The following JMY variants were observed in gnomAD, a reference collection of about 807,000 sequenced individuals.
The protein encoded by JMY is junction-mediating and -regulatory protein.
In JMY, 46 loss-of-function variants were observed where a neutral mutation model predicts 103.3. The ratio of observed to expected loss-of-function variants is 0.45; its 90% CI spans 0.35 to 0.57. The LOEUF is 0.57. JMY is among the 20% of genes least tolerant of loss of function. JMY has a pLI of 0.00. For missense variants in JMY, 1,238 were observed against 1,255.2 expected (o/e 0.99, Z 0.21); for synonymous variants, 526 against 489.3 (o/e 1.07, Z -0.99).
chr5:79,289,784 GC>G (rs2112097356), intron 2 of JMY, among the ~76,000 whole-genome samples: 1 of 151,416 alleles, frequency 6.6e-6, no homozygotes, highest in Admixed American at 6.6e-5. Context: ...TTGGGGGGGG[GC>G]ATAAATAAGT....
chr5:79,305,648 C>A (rs1032633081), intron 6 of JMY, among the ~76,000 whole-genome samples: 1 of 151,910 alleles, frequency 6.6e-6, no homozygotes, highest in Non-Finnish European at 1.5e-5. Context: ...TTGCAAAAAT[C>A]CTGTTTTATA....
rs1411001737 is a variant in JMY at position 79,325,963 on chromosome 5, G to A, written c.*4361G>A. The A allele has an allele frequency of 1.3e-5, 2 of 152,072 alleles. No individual in the cohort carries two copies. Among genetic ancestry groups the A allele is most frequent in the African/African-American group, 4.8e-5 (2 of 41,412 alleles). 9.4% of individuals were successfully genotyped at this position (152,072 alleles called of 1,614,324 possible). Reference sequence around the variant, plus strand: ...ATGTGTTTATTGTAAAGTTTTCTACGTTTTGCCCACAGTAAATGTACAACT... The same window carrying A: ...ATGTGTTTATTGTAAAGTTTTCTACATTTTGCCCACAGTAAATGTACAACT... On this transcript the variant is annotated 3_prime_UTR_variant, in exon 11 of 11. Coordinates refer to ENST00000396137, the MANE Select transcript of JMY (RefSeq NM_152405.5).
chr5:79,273,671 C>T (rs1009146995), intron 1 of JMY, among the ~76,000 whole-genome samples: 24 of 152,158 alleles, frequency 1.6e-4, no homozygotes, highest in African/African-American at 4.6e-4. Context: ...CAATGGCGTA[C>T]GCCTATAATC....
chr5:79,279,957 C>T (rs770818852), intron 2 of JMY, among the ~76,000 whole-genome samples: 37 of 152,288 alleles, frequency 2.4e-4, no homozygotes, highest in Non-Finnish European at 3.7e-4. Context: ...AGTCTTCCCA[C>T]CTCAGCCCCA....
At chr5:79,310,080 T>TTTTTTG (rs1747002333) in intron 7 of JMY, among the ~76,000 whole-genome samples, 9 of 104,348 alleles carry the variant, frequency 8.6e-5, no homozygotes, top group Non-Finnish European at 1.5e-4. Flanking sequence ...TTTTTTTTTT[T>TTTTTTG]TTTGAGATGG....
At chr5:79,276,377 C>T (rs1025069814) in intron 1 of JMY, among the ~76,000 whole-genome samples, 2 of 152,108 alleles carry the variant, frequency 1.3e-5, no homozygotes, top group African/African-American at 4.8e-5. Flanking sequence ...GCCTCGGCCT[C>T]CCAAAGTGCT....
chr5:79,315,946 A>G (rs2112121703), intron 9 of JMY, 54 bp from the exon 10 acceptor site: 2 of 1,479,692 alleles, frequency 1.4e-6, no homozygotes, highest in South Asian at 1.2e-5. Flanking sequence ...ATACAGTTTC[A>G]TTCTAATTAA....
chr5:79,299,275 A>T (rs1246745210), intron 4 of JMY, among the ~76,000 whole-genome samples: 1 of 152,090 alleles, frequency 6.6e-6, no homozygotes, highest in Non-Finnish European at 1.5e-5. Context: ...TTACTGTCTC[A>T]CTCTAGAGAA....
chr5:79,292,164 C>A (rs1746442191), intron 4 of JMY, among the ~76,000 whole-genome samples: 1 of 152,174 alleles, frequency 6.6e-6, no homozygotes, highest in African/African-American at 2.4e-5. Flanking sequence ...GCATGGATTT[C>A]ATCCCCATCT....
chr5:79,316,762 C>T (rs549965765), intron 10 of JMY, among the ~76,000 whole-genome samples: 12 of 151,790 alleles, frequency 7.9e-5, no homozygotes, highest in African/African-American at 2.9e-4. Flanking sequence ...AAAAATTAGC[C>T]GGGCGTGGTG....
intron 6 of JMY, among the ~76,000 whole-genome samples, chr5:79,303,707 A>G (rs1443961933): frequency 6.6e-6 from 1 of 152,204 alleles, no homozygotes; most frequent in Non-Finnish European, 1.5e-5. Context: ...AGAAGTGAAG[A>G]TGATGATTCC....
intron 7 of JMY, among the ~76,000 whole-genome samples, chr5:79,307,369 T>C (rs979486385): frequency 3.9e-5 from 6 of 152,176 alleles, no homozygotes; most frequent in Admixed American, 6.5e-5. Flanking sequence ...CCACCAGCAA[T>C]GAGTGAGAGT....
At chr5:79,237,727 G>T (rs1442421255) in intron 1 of JMY, 45 bp downstream of exon 1, 1 of 1,540,782 alleles carries the variant, frequency 6.5e-7, no homozygotes, top group Non-Finnish European at 8.8e-7. Flanking sequence ...GTCGCTTTTG[G>T]TTTACTGGCC....
At chr5:79,281,379 T>TA in intron 2 of JMY, among the ~76,000 whole-genome samples, 1 of 91,916 alleles carries the variant, frequency 1.1e-5, no homozygotes, top group East Asian at 2.8e-4. Flanking sequence ...TTTTTTTTTT[T>TA]ACTTTTAAAA....
intron 7 of JMY, among the ~76,000 whole-genome samples, chr5:79,311,607 A>T (rs1456458776): frequency 6.6e-6 from 1 of 152,156 alleles, no homozygotes; most frequent in African/African-American, 2.4e-5. Context: ...CCTATATAGA[A>T]AGCCTTTTCA....
At chr5:79,260,528 G>C (rs994604642) in intron 1 of JMY, among the ~76,000 whole-genome samples, 3 of 151,478 alleles carry the variant, frequency 2.0e-5, no homozygotes, top group African/African-American at 7.3e-5. Flanking sequence ...ATATGGGCAT[G>C]AACCACCATA....
intron 1 of JMY, among the ~76,000 whole-genome samples, chr5:79,275,616 T>C (rs1429108030): frequency 1.3e-5 from 2 of 152,368 alleles, no homozygotes; most frequent in East Asian, 3.9e-4. Context: ...TTGGTCACTC[T>C]GTAGTGCCTA....
chr5:79,262,955 T>C (rs1745468856), intron 1 of JMY, among the ~76,000 whole-genome samples: 1 of 152,184 alleles, frequency 6.6e-6, no homozygotes, highest in African/African-American at 2.4e-5. Flanking sequence ...TGGCAGAAAA[T>C]AGTATCTAAA....
Position 79,245,652 on chromosome 5 carries a change from G to A in JMY, c.1032+7970G>A, listed in dbSNP as rs528326440. ...GGTTTTTTTCTTTTTTTGAGATGAG[G>A]CCTCACTCTGTCGCCCAGACTGGAG... On this transcript the variant is annotated intron_variant, in intron 1 of 10. Coordinates refer to ENST00000396137, the MANE Select transcript of JMY (RefSeq NM_152405.5). Among the ~76,000 whole-genome samples the A allele has an allele frequency of 1.1e-4, 16 of 152,122 alleles. No homozygotes were observed. The South Asian group carries it at 3.3e-3, about 32-fold the overall frequency.
Sources: gnomAD v4.1 joint callset for allele counts (sites outside exome capture counted in the v4.1 genomes callset) on GRCh38, gnomAD v4.1.1 for gene constraint, MANE v1.5 for transcripts, NCBI Gene and HGNC (gene_info 2026-07-23, HGNC 2026-07-21) for gene names.